The following FAT2 variants were observed in gnomAD, a reference collection of about 807,000 sequenced individuals.
The protein encoded by FAT2 is protocadherin Fat 2.
In FAT2, 150 loss-of-function variants were observed where a neutral mutation model predicts 295.3. That is an observed-to-expected ratio of 0.51 (90% CI 0.44 to 0.58). The LOEUF (loss-of-function observed/expected upper bound fraction) is 0.58, where lower values mean the gene tolerates loss of function less well. FAT2 is among the 20% of genes least tolerant of loss of function. The pLI is 0.00. For missense variants in FAT2, 4,868 were observed against 5,442.7 expected, an observed-to-expected ratio of 0.89 and a Z score of 3.32; for synonymous variants, 2,026 against 2,150.3, an observed-to-expected ratio of 0.94 and a Z score of 1.60.
chr5:151,512,133 C>A lies in FAT2; in HGVS notation c.11905+32G>T. 6.3e-7 allele frequency: 1 copy of A among 1,593,930 alleles called. No homozygotes were observed. The highest frequency in any genetic ancestry group is 1.7e-5 in the Admixed American group (1 of 59,356). Reference sequence around the variant, plus strand: ...CACCTGAAGAGCCTTCTGGGATAAACCCTGGGTTCAGCCTGGCACCCCAGC... The same window carrying A: ...CACCTGAAGAGCCTTCTGGGATAAAACCTGGGTTCAGCCTGGCACCCCAGC... On this transcript the variant is annotated intron_variant, in intron 21 of 23. Coordinates refer to ENST00000261800, the MANE Select transcript of FAT2 (RefSeq NM_001447.3). This position sits in a 1 kb window ranked among gnomAD's most constrained non-coding sequence, Gnocchi z 4.1.
rs778641532 is a variant in FAT2 at position 151,544,213 on chromosome 5, C to T, written c.6914G>A (p.Arg2305His). 9 of 1,614,076 alleles carry T rather than the reference C, an allele frequency of 5.6e-6. No individual in the cohort carries two copies. In the Admixed American group the frequency reaches 6.7e-5, roughly 12 times the overall value. ...LASDQDSGRN[R>H]DVSYQIVEDG... ...CTCCACAATCTGATAAGAGACGTCA[C>T]GGTTCCGCCCTGAGTCCTGGTCAGA... is the stretch of plus-strand genomic sequence containing the variant. Residue 2305 changes from arginine to histidine, a missense_variant, in exon 10 of 24, where the codon CGT (arginine) becomes CAT (histidine). By Grantham distance (29) the Arg-to-His change is conservative. This residue lies in a region of FAT2 where 3,297 missense variants were observed against 3,669.4 expected (regional missense o/e 0.90). Coordinates refer to ENST00000261800, the MANE Select transcript of FAT2 (RefSeq NM_001447.3).
chr5:151,541,892 C>A (rs1756183179), intron 10 of FAT2, among the ~76,000 whole-genome samples: 1 of 152,022 alleles, frequency 6.6e-6, no homozygotes, highest in Non-Finnish European at 1.5e-5. Flanking sequence ...CACAACTTTA[C>A]CTGGGTAGGA....
Position 151,566,726 on chromosome 5 carries a change from G to C in FAT2, c.2206C>G (p.Arg736Gly). 1 of 1,614,140 alleles carries C rather than the reference G, an allele frequency of 6.2e-7. No homozygotes were observed. Among genetic ancestry groups the C allele is most frequent in the Non-Finnish European group, 8.5e-7 (1 of 1,180,030 alleles). Residue 736 changes from arginine to glycine, a missense_variant, in exon 2 of 24, where the codon CGC (arginine) becomes GGC (glycine). By Grantham distance (125) the Arg-to-Gly change is moderately radical. Coordinates refer to ENST00000261800, the MANE Select transcript of FAT2 (RefSeq NM_001447.3). ...GCATCAGGGTCAGTGGCTGCTAGGC[G>C]GGCCAAGGGGGTGTTGATAGGGACA... The part of the protein sequence containing the change: ...ESVPINTPLA[R>G]LAATDPDAGF...
chr5:151,582,358 G>T (rs969202872), intron 1 of FAT2, among the ~76,000 whole-genome samples: 4 of 152,230 alleles, frequency 2.6e-5, no homozygotes, highest in African/African-American at 9.7e-5. Flanking sequence ...GGCTGGGTCT[G>T]TCTGTGTTCT....
At chr5:151,522,216 T>G in intron 18 of FAT2, 130 bp from the exon 19 acceptor site, 1 of 671,452 alleles carries the variant, frequency 1.5e-6, no homozygotes. Flanking sequence ...CTCAGCGCAT[T>G]GTTGCATTTA....
chr5:151,545,038 C>T lies in FAT2; in HGVS notation c.6089G>A (p.Arg2030Gln), dbSNP rs145039507. 1.9e-5 allele frequency: 30 copies of T among 1,614,042 alleles called. No homozygotes were observed. The highest frequency in any genetic ancestry group is 2.7e-5 in the African/African-American group (2 of 74,914). The change falls in exon 10 of 24, where the codon CGG (arginine) becomes CAG (glutamine). Residue 2030 changes from arginine (R) to glutamine (Q), a missense_variant. Around this residue, in one of 5 missense-constraint regions of FAT2, gnomAD observed 3,297 missense variants for 3,669.4 expected, o/e 0.90. Transcript: ENST00000261800. Reference sequence around the variant, plus strand: ...CAACTCATGAGTGTCCTGCTGCTCCCGGTCAAACGCCACACCTCTTGTCTG... The same window carrying T: ...CAACTCATGAGTGTCCTGCTGCTCCTGGTCAAACGCCACACCTCTTGTCTG... ...VLQTRGVAFD[R>Q]EQQDTHELAV... is the part of the protein sequence containing the mutation.
chr5:151,540,209 G>C (rs1201108466), intron 11 of FAT2, among the ~76,000 whole-genome samples: 1 of 152,282 alleles, frequency 6.6e-6, no homozygotes, highest in Middle Eastern at 3.4e-3. Context: ...TGAACAGCTT[G>C]GTATATCCCT....
chr5:151,505,808 A>G lies in FAT2; in HGVS notation c.12807T>C (p.Asn4269=), dbSNP rs200478785. The change falls in exon 24 of 24, where the codon AAT becomes AAC. Residue 4269 remains asparagine (N), a synonymous_variant. Transcript: ENST00000261800. ...PRERLVAPCL[N]EYTAISYYHS... is the part of the protein sequence containing the mutation. ...GGTAGTAGCTGATGGCCGTGTACTCATTGAGACAGGGGGCAACCAGGCGCT... is the reference window on the plus strand; with the variant it reads ...GGTAGTAGCTGATGGCCGTGTACTCGTTGAGACAGGGGGCAACCAGGCGCT... 1.7e-4 allele frequency: 269 copies of G among 1,613,654 alleles called. No homozygotes were observed. The highest frequency in any genetic ancestry group is 1.7e-4 in the Non-Finnish European group (201 of 1,179,888).
intron 11 of FAT2, among the ~76,000 whole-genome samples, chr5:151,540,172 AG>A (rs1458388648): frequency 6.6e-6 from 1 of 152,218 alleles, no homozygotes; most frequent in African/African-American, 2.4e-5. Flanking sequence ...TTGGGAATGT[AG>A]GGGGAGAGAT....
chr5:151,523,359 A>C (rs765057056), intron 18 of FAT2, among the ~76,000 whole-genome samples: 91 of 152,314 alleles, frequency 6.0e-4, no homozygotes, highest in Non-Finnish European at 1.1e-3. Context: ...CTGTAAATAC[A>C]TTATCCTAGT....
Position 151,544,826 on chromosome 5 carries a change from TC to T in FAT2, c.6300del (p.Thr2101GlnfsTer36). On this transcript the variant is annotated frameshift_variant, in exon 10 of 24. Transcript: ENST00000261800. LOFTEE classifies it high-confidence loss of function. ...FQVSATDEDL[G>X]TNGAVTYEFA... is the part of the protein sequence containing the mutation. ...AATTCATATGTAACAGCCCCATTTGTCCCCAAGTCCTCATCAGTGGCAGATA... is the reference window on the plus strand; with the variant it reads ...AATTCATATGTAACAGCCCCATTTGTCCCAAGTCCTCATCAGTGGCAGATA... 1 of 1,614,200 alleles carries T rather than the reference TC, an allele frequency of 6.2e-7. No individual in the cohort carries two copies. The highest frequency in any genetic ancestry group is 1.1e-5 in the South Asian group (1 of 91,082).
Position 151,542,842 on chromosome 5 carries a change from A to G in FAT2, c.8285T>C (p.Leu2762Ser). Reference sequence around the variant, plus strand: ...ATGTGCCATCACATCAATCTGGTACAATTTGGTGGATTCGTGGTCCATGGG... The same window carrying G: ...ATGTGCCATCACATCAATCTGGTACGATTTGGTGGATTCGTGGTCCATGGG... ...RKPMDHESTK[L>S]YQIDVMAHCL... is the part of the protein sequence containing the mutation. The change falls in exon 10 of 24, where the codon TTG becomes TCG. Residue 2762 changes from leucine (L) to serine (S), a missense_variant. Transcript: ENST00000261800. 1.9e-6 allele frequency: 3 copies of G among 1,614,126 alleles called. No individual in the cohort carries two copies. Among genetic ancestry groups the G allele is most frequent in the Non-Finnish European group, 2.5e-6 (3 of 1,180,026 alleles).
chr5:151,566,485 T>C lies in FAT2; in HGVS notation c.2447A>G (p.Asn816Ser). ...LTVNVKDWND[N>S]APRFPPGGYQ... is the part of the protein sequence containing the mutation. ...CCCACCGGGAGGAAATCTGGGTGCGTTGTCATTCCAGTCTTTCACATTCAC... is the reference window on the plus strand; with the variant it reads ...CCCACCGGGAGGAAATCTGGGTGCGCTGTCATTCCAGTCTTTCACATTCAC... The change falls in exon 2 of 24, where the codon AAC (asparagine) becomes AGC (serine). Residue 816 changes from asparagine (N) to serine (S), a missense_variant. By Grantham distance (46) the Asn-to-Ser change is conservative. Transcript: ENST00000261800. 2 of 1,613,874 alleles carry C rather than the reference T, an allele frequency of 1.2e-6. No individual in the cohort carries two copies. Among genetic ancestry groups the C allele is most frequent in the Non-Finnish European group, 8.5e-7 (1 of 1,179,932 alleles).
chr5:151,537,903 T>G lies in FAT2; in HGVS notation c.9083A>C (p.His3028Pro). ...TGTGGCAGAAACCTTCAAAATGAAG[T>G]GTCCTGGAAATACATCTTCATGAAC... ...GKVHEDVFPG[H>P]FILKVSATDL... Residue 3028 changes from histidine to proline, a missense_variant, in exon 12 of 24, where the codon CAC becomes CCC. By Grantham distance (77) the His-to-Pro change is moderately conservative. This residue lies in a region of FAT2 where 1,046 missense variants were observed against 1,210.1 expected (regional missense o/e 0.86). Coordinates refer to ENST00000261800, the MANE Select transcript of FAT2 (RefSeq NM_001447.3). The G allele has an allele frequency of 6.2e-7, 1 of 1,614,156 alleles. No homozygotes were observed. The highest frequency in any genetic ancestry group is 8.5e-7 in the Non-Finnish European group (1 of 1,180,008).
intron 1 of FAT2, among the ~76,000 whole-genome samples, chr5:151,577,522 A>G (rs927510343): frequency 2.0e-5 from 3 of 152,220 alleles, no homozygotes; most frequent in African/African-American, 7.2e-5. Context: ...AGCGATATAA[A>G]GAAACGTTAT....
Position 151,507,251 on chromosome 5 carries a change from C to T in FAT2, c.12420G>A (p.Val4140=). The T allele has an allele frequency of 6.2e-7, 1 of 1,614,190 alleles. No homozygotes were observed. The highest frequency in any genetic ancestry group is 1.1e-5 in the South Asian group (1 of 91,080). ...TFGPNSKQRP[V]VCSVPPRLPP... is the part of the protein sequence containing the mutation. ...GGAGTCTGGGGGGCACACTGCAGAC[C>T]ACTGGCCGTTGCTTAGAATTGGGTC... Residue 4140 remains valine, a synonymous_variant, in exon 23 of 24, where the codon GTG becomes GTA. Coordinates refer to ENST00000261800, the MANE Select transcript of FAT2 (RefSeq NM_001447.3).
At position 151,554,561 on chromosome 5, in the gene FAT2, A is replaced by T. The variant is rs1757519537; in HGVS notation, c.3746T>A (p.Val1249Asp). Reference protein sequence around the residue: ...PPIFSHKLFNVRLPERLSPVS... With the variant: ...PPIFSHKLFNDRLPERLSPVS... ...AGGGCTCAGCCTCTCTGGAAGGCGG[A>T]CATTGAAGAGCTTGTGGGAGAATAT... Residue 1249 changes from valine to aspartate, a missense_variant, in exon 5 of 24, where the codon GTC (valine) becomes GAC (aspartate). By Grantham distance (152) the Val-to-Asp change is radical. Transcript: ENST00000261800. 6.2e-7 allele frequency: 1 copy of T among 1,614,080 alleles called. No homozygotes were observed. Among genetic ancestry groups the T allele is most frequent in the Non-Finnish European group, 8.5e-7 (1 of 1,180,046 alleles).
In FAT2 at chr5:151,551,452, G is replaced by C. The variant is rs752164219; in HGVS notation, c.4296+15C>G. On this transcript the variant is annotated intron_variant, in intron 7 of 23. Transcript: ENST00000261800. ...TCTCCTCTCAATACAGGGGTCCCCAGCCGAGGCCTCTAACCTGTGTGGCAA... is the reference window on the plus strand; with the variant it reads ...TCTCCTCTCAATACAGGGGTCCCCACCCGAGGCCTCTAACCTGTGTGGCAA... 1 of 1,613,284 alleles carries C rather than the reference G, an allele frequency of 6.2e-7. No individual in the cohort carries two copies. The highest frequency in any genetic ancestry group is 1.7e-5 in the Admixed American group (1 of 60,004).
chr5:151,505,718 AC>A lies in FAT2; in HGVS notation c.12896del (p.Gly4299ValfsTer97). On this transcript the variant is annotated frameshift_variant, in exon 24 of 24. Transcript: ENST00000261800. LOFTEE classifies it high-confidence loss of function. The stretch of plus-strand genomic sequence containing the variant: ...AGGGCCCAGCTCGGCTGAGGCGCAT[AC>A]CCACCCCCTTGTAGCCCCCGTCTGC... ...CLADGGYKGV[G>X]MRLSRAGPSY... 6.2e-7 allele frequency: 1 copy of A among 1,613,510 alleles called. No homozygotes were observed. Among genetic ancestry groups the A allele is most frequent in the Non-Finnish European group, 8.5e-7 (1 of 1,179,732 alleles).
Sources: gnomAD v4.1 joint callset for allele counts (sites outside exome capture counted in the v4.1 genomes callset) on GRCh38, gnomAD v4.1.1 for gene constraint, gnomAD v4.1.1 regional missense constraint, Gnocchi (gnomAD v3.1) non-coding constraint, MANE v1.5 for transcripts, NCBI Gene and HGNC (gene_info 2026-07-23, HGNC 2026-07-21) for gene names.